LMNTD1: variants seen among roughly 807,000 people sequenced by gnomAD.
LMNTD1 encodes lamin tail domain-containing protein 1.
A neutral mutation model predicts 50.9 loss-of-function variants in LMNTD1; 35 were observed. That is an observed-to-expected ratio of 0.69 (90% CI 0.53 to 0.91). The LOEUF is 0.91. Among genes scored for constraint, LMNTD1 ranks in the 40% least tolerant of loss-of-function variants. LMNTD1 has a pLI of 0.00. For missense variants in LMNTD1, 470 were observed against 475.5 expected (o/e 0.99, Z 0.11); for synonymous variants, 153 against 161.9 (o/e 0.94, Z 0.42).
At chr12:25,486,233 G>A (rs765280378) in intron 9 of LMNTD1, among the ~76,000 whole-genome samples, 1,389 of 134,198 alleles carry the variant, frequency 0.01, 12 homozygotes, top group Non-Finnish European at 0.018. Context: ...TCCCTTGTAA[G>A]TTGGATTCCT....
intron 1 of LMNTD1, among the ~76,000 whole-genome samples, chr12:25,635,465 A>G (rs375173331): frequency 2.0e-5 from 3 of 152,312 alleles, no homozygotes; most frequent in East Asian, 3.9e-4. Context: ...ACTGTAAAAC[A>G]CTGCTGAAAG....
chr12:25,528,193 C>T (rs1213511590), intron 4 of LMNTD1, among the ~76,000 whole-genome samples: 1 of 152,100 alleles, frequency 6.6e-6, no homozygotes, highest in Admixed American at 6.6e-5. Flanking sequence ...TTGAAGGTCA[C>T]ACTAAAAAAA....
intron 9 of LMNTD1, among the ~76,000 whole-genome samples, chr12:25,493,126 C>G (rs534599049): frequency 6.6e-6 from 1 of 152,252 alleles, no homozygotes; most frequent in African/African-American, 2.4e-5. Flanking sequence ...TGTTGTAGTA[C>G]TTCTATGATT....
intron 1 of LMNTD1, among the ~76,000 whole-genome samples, chr12:25,568,701 C>A (rs1944660655): frequency 6.6e-6 from 1 of 152,240 alleles, no homozygotes; most frequent in Admixed American, 6.5e-5. Flanking sequence ...CAGCTTCAGC[C>A]ATGGCTCAAA....
chr12:25,545,365 T>C (rs892083871), intron 4 of LMNTD1, among the ~76,000 whole-genome samples: 5 of 151,668 alleles, frequency 3.3e-5, no homozygotes, highest in Non-Finnish European at 5.9e-5. Context: ...CTTCTCTTTG[T>C]CCTTGACCTC....
intron 4 of LMNTD1, among the ~76,000 whole-genome samples, chr12:25,542,635 T>C (rs984260797): frequency 6.6e-6 from 1 of 151,234 alleles, no homozygotes; most frequent in African/African-American, 2.4e-5. Flanking sequence ...GACGAGTTAG[T>C]GGGTGCAGCA....
intron 1 of LMNTD1, among the ~76,000 whole-genome samples, chr12:25,591,790 C>G (rs1390810802): frequency 7.0e-6 from 1 of 142,956 alleles, no homozygotes; most frequent in East Asian, 2.1e-4. Flanking sequence ...CACACAACCT[C>G]CAGCTCCTAA....
chr12:25,591,076 G>A (rs1295787897), intron 1 of LMNTD1, among the ~76,000 whole-genome samples: 1 of 152,178 alleles, frequency 6.6e-6, no homozygotes, highest in Non-Finnish European at 1.5e-5. Context: ...TGTACCTTAG[G>A]TACTAGCTTG....
rs71705893 is a variant in LMNTD1, at chr12:25,612,290, TCACACACACACA to T, written c.58+36192_58+36203del. Among the ~76,000 whole-genome samples the T allele has an allele frequency of 4.4e-3, 472 of 107,252 alleles. 2 individuals carry two copies. Among genetic ancestry groups the T allele is most frequent in the Middle Eastern group, 0.014 (3 of 214 alleles). The allele number at this position is 107,252 out of a possible 152,430, so 70.4% of individuals were successfully genotyped here. ...GTTCTATCTGAGTCTCTAAGGTCCC[TCACACACACACA>T]CACACACACACACACACACACACAC... On this transcript the variant is annotated intron_variant, in intron 1 of 7. Coordinates refer to the LMNTD1 transcript ENST00000445693.
At chr12:25,570,755 G>A (rs1225597414) in intron 1 of LMNTD1, among the ~76,000 whole-genome samples, 4 of 152,186 alleles carry the variant, frequency 2.6e-5, no homozygotes, top group Non-Finnish European at 5.9e-5. Flanking sequence ...ACGAATTATA[G>A]GATACTAAAA....
At chr12:25,632,647 C>T (rs11513459) in intron 1 of LMNTD1, among the ~76,000 whole-genome samples, 3,024 of 152,200 alleles carry the variant, frequency 0.02, 35 homozygotes, top group Non-Finnish European at 0.029. Flanking sequence ...CTAAAAGGAG[C>T]TCTAAATCTT....
intron 1 of LMNTD1, among the ~76,000 whole-genome samples, chr12:25,569,841 T>C (rs1342783383): frequency 6.6e-6 from 1 of 152,168 alleles, no homozygotes; most frequent in African/African-American, 2.4e-5. Flanking sequence ...CAGATACTGG[T>C]ACCATGCTTT....
intron 8 of LMNTD1, among the ~76,000 whole-genome samples, chr12:25,510,281 A>G (rs1256338151): frequency 6.7e-6 from 1 of 149,650 alleles, no homozygotes; most frequent in Non-Finnish European, 1.5e-5. Context: ...TTTTACCTTC[A>G]CCCTTTCAGT....
At chr12:25,591,582 G>T (rs1017085560) in intron 1 of LMNTD1, among the ~76,000 whole-genome samples, 2 of 152,260 alleles carry the variant, frequency 1.3e-5, no homozygotes, top group South Asian at 4.1e-4. Context: ...GGGCCTGGGG[G>T]AACTTGTCAC....
rs1943847591 is a variant in LMNTD1 at position 25,552,853 on chromosome 12, G to A, written c.89+18C>T. 1.4e-6 allele frequency: 2 copies of A among 1,408,038 alleles called. No individual in the cohort carries two copies. Among genetic ancestry groups the A allele is most frequent in the Admixed American group, 2.0e-5 (1 of 50,746 alleles). 87.2% of individuals were successfully genotyped at this position (1,408,038 alleles called of 1,614,324 possible). On this transcript the variant is annotated intron_variant, in intron 2 of 9. Coordinates refer to ENST00000458174, the MANE Select transcript of LMNTD1 (RefSeq NM_001145728.2). ...ACTCAGCTCTAACTCTGCTTCCATC[G>A]CATCTATGCATGCTCACTGTTTTTG...
intron 1 of LMNTD1, among the ~76,000 whole-genome samples, chr12:25,611,161 C>T (rs1025035656): frequency 1.4e-4 from 22 of 152,044 alleles, no homozygotes; most frequent in Non-Finnish European, 2.9e-4. Flanking sequence ...AAAATTGTAG[C>T]AAAGCTATGC....
chr12:25,488,146 A>G (rs868413687), intron 9 of LMNTD1, among the ~76,000 whole-genome samples: 6 of 144,718 alleles, frequency 4.1e-5, no homozygotes, highest in African/African-American at 7.5e-5. Flanking sequence ...TCTTTGTGGC[A>G]TTCTCTGTAT....
chr12:25,625,233 A>G (rs1370734137), intron 1 of LMNTD1, among the ~76,000 whole-genome samples: 1 of 152,176 alleles, frequency 6.6e-6, no homozygotes, highest in Non-Finnish European at 1.5e-5. Context: ...AAACTCCCTC[A>G]ACCAATAGCT....
At chr12:25,539,697 T>C (rs1243338726) in intron 4 of LMNTD1, among the ~76,000 whole-genome samples, 1 of 147,714 alleles carries the variant, frequency 6.8e-6, no homozygotes, top group Non-Finnish European at 1.5e-5. Context: ...ATTCAAAAGC[T>C]AGCAGAAGGC....
Sources: gnomAD v4.1 joint callset for allele counts (sites outside exome capture counted in the v4.1 genomes callset) on GRCh38, gnomAD v4.1.1 for gene constraint, MANE v1.5 for transcripts, NCBI Gene and HGNC (gene_info 2026-07-23, HGNC 2026-07-21) for gene names.